The following MGST1 variants were observed in gnomAD, a reference collection of about 807,000 sequenced individuals.
MGST1 encodes glutathione S-transferase 12.
Under a neutral mutation model 8.9 loss-of-function variants are expected in MGST1, and 5 were observed. That is an observed-to-expected ratio of 0.56 (90% CI 0.29 to 1.19). The LOEUF (loss-of-function observed/expected upper bound fraction) is 1.19. MGST1 is among the 50% of genes most tolerant of loss of function. The probability of loss-of-function intolerance (pLI) is 0.08; values close to 1 mark genes in which losing one functional copy is unlikely to be tolerated. For missense variants in MGST1, 182 were observed against 187.4 expected, an observed-to-expected ratio of 0.97 and a Z score of 0.17; for synonymous variants, 54 against 67.8, an observed-to-expected ratio of 0.80 and a Z score of 1.00.
In MGST1 at chr12:16,363,793, A is replaced by G. The variant is rs1481543357; in HGVS notation, c.222-2A>G. On this transcript the variant is annotated splice_acceptor_variant, in intron 3 of 3. Coordinates refer to ENST00000396210, the MANE Select transcript of MGST1 (RefSeq NM_020300.5). LOFTEE classifies it high-confidence loss of function. This position sits in a 1 kb window ranked among gnomAD's most constrained non-coding sequence, Gnocchi z 4.6. ...GTCTTTAATAGTTATCTTTTTCCAC[A>G]GAGCCCACCTGAATGACCTTGAAAA... 1 of 1,587,664 alleles carries G rather than the reference A, an allele frequency of 6.3e-7. No homozygotes were observed. The highest frequency in any genetic ancestry group is 1.3e-5 in the African/African-American group (1 of 74,226).
chr12:16,474,303 T>C (rs755621191), intron 4 of MGST1, among the ~76,000 whole-genome samples: 1 of 152,238 alleles, frequency 6.6e-6, no homozygotes, highest in Non-Finnish European at 1.5e-5. Context: ...CAGCTTCAGA[T>C]GAAGAATTAC....
At chr12:16,572,412 G>A (rs1172260323) in intron 4 of MGST1, among the ~76,000 whole-genome samples, 4 of 103,616 alleles carry the variant, frequency 3.9e-5, no homozygotes, top group Non-Finnish European at 7.2e-5. Context: ...TTTAGAATGT[G>A]TATCTATCTT....
intron 4 of MGST1, among the ~76,000 whole-genome samples, chr12:16,505,320 G>T (rs1319698456): frequency 6.6e-6 from 1 of 152,134 alleles, no homozygotes; most frequent in Non-Finnish European, 1.5e-5. Flanking sequence ...ACTCCTTGAG[G>T]TTCATCCATA....
At chr12:16,417,515 C>T (rs1370800421) in intron 1 of MGST1, among the ~76,000 whole-genome samples, 1 of 152,160 alleles carries the variant, frequency 6.6e-6, no homozygotes, top group Non-Finnish European at 1.5e-5. Flanking sequence ...AACTAGTACC[C>T]TCCTCCAGGA....
intron 1 of MGST1, among the ~76,000 whole-genome samples, chr12:16,392,168 G>A (rs73066107): frequency 0.079 from 12,054 of 152,034 alleles, 581 homozygotes; most frequent in East Asian, 0.22. Flanking sequence ...ATTTGAAGTT[G>A]GGTGATGTGA....
chr12:16,364,399 T>C lies in MGST1; in HGVS notation c.*358T>C. On this transcript the variant is annotated 3_prime_UTR_variant, in exon 4 of 4. Transcript: ENST00000396210. This position sits in a 1 kb window ranked among gnomAD's most constrained non-coding sequence, Gnocchi z 5.7. ...GCTGAAACAGACATGAAATAAAGAA[T>C]TTAAAGAATGATTTTGTTTGGTTTT... 1 of 989,020 alleles carries C rather than the reference T, an allele frequency of 1.0e-6. No homozygotes were observed. The highest frequency in any genetic ancestry group is 1.2e-6 in the Non-Finnish European group (1 of 830,532). 61.3% of individuals were successfully genotyped at this position (989,020 alleles called of 1,614,324 possible).
intron 1 of MGST1, among the ~76,000 whole-genome samples, chr12:16,427,679 G>A (rs1417617669): frequency 6.6e-6 from 1 of 152,176 alleles, no homozygotes; most frequent in Non-Finnish European, 1.5e-5. Flanking sequence ...ACTGGGCCTG[G>A]CCTACATTTT....
intron 4 of MGST1, among the ~76,000 whole-genome samples, chr12:16,455,692 A>G (rs942178545): frequency 6.6e-6 from 1 of 151,838 alleles, no homozygotes; most frequent in East Asian, 1.9e-4. Context: ...ATACTTCATC[A>G]TCTATTGCTA....
intron 4 of MGST1, among the ~76,000 whole-genome samples, chr12:16,569,860 CA>C (rs1942752584): frequency 6.6e-6 from 1 of 152,012 alleles, no homozygotes; most frequent in Non-Finnish European, 1.5e-5. Flanking sequence ...TGTACTAAAA[CA>C]GAAATATTTT....
intron 4 of MGST1, among the ~76,000 whole-genome samples, chr12:16,572,573 C>A (rs1942853063): frequency 6.7e-6 from 1 of 149,728 alleles, no homozygotes; most frequent in South Asian, 2.1e-4. Flanking sequence ...GGATGTCAAA[C>A]CCTTCATAAA....
Position 16,582,193 on chromosome 12 carries a change from T to C in MGST1, n.483-7335T>C, listed in dbSNP as rs1207841801. 1.3e-5 allele frequency among the ~76,000 whole-genome samples: 2 copies of C among 152,244 alleles called. No homozygotes were observed. Among genetic ancestry groups the C allele is most frequent in the African/African-American group, 4.8e-5 (2 of 41,476 alleles). On this transcript the variant is annotated intron_variant and non_coding_transcript_variant, in intron 4 of 4. Coordinates refer to the MGST1 transcript ENST00000538857. The surrounding 1 kb of genome is among the most constrained non-coding windows in gnomAD (Gnocchi z 4.1). ...TTCTCTTTATTTGGAAGTTTTGAAA[T>C]GGCTGAATTTTATCAATTGCCTTTT...
chr12:16,528,865 C>T (rs1941705271), intron 4 of MGST1, among the ~76,000 whole-genome samples: 1 of 152,008 alleles, frequency 6.6e-6, no homozygotes, highest in African/African-American at 2.4e-5. Context: ...GGGTGAATGC[C>T]ATTTTACTTT....
intron 1 of MGST1, among the ~76,000 whole-genome samples, chr12:16,384,435 G>A (rs1940486092): frequency 6.6e-6 from 1 of 152,152 alleles, no homozygotes; most frequent in Non-Finnish European, 1.5e-5. Flanking sequence ...GTCCACGTGA[G>A]GACAGATGCA....
At chr12:16,418,620 TAAG>T (rs1224148995) in intron 1 of MGST1, among the ~76,000 whole-genome samples, 1 of 152,038 alleles carries the variant, frequency 6.6e-6, no homozygotes, top group Non-Finnish European at 1.5e-5. Flanking sequence ...CACTGAGAAA[TAAG>T]AAGATAAAAT....
At chr12:16,457,562 T>C (rs192922949) in intron 4 of MGST1, among the ~76,000 whole-genome samples, 1 of 152,130 alleles carries the variant, frequency 6.6e-6, no homozygotes, top group Non-Finnish European at 1.5e-5. Flanking sequence ...ATACACTTTA[T>C]ATATTAGCAT....
intron 4 of MGST1, among the ~76,000 whole-genome samples, chr12:16,504,642 A>T (rs1043658220): frequency 6.6e-6 from 1 of 152,188 alleles, no homozygotes; most frequent in African/African-American, 2.4e-5. Flanking sequence ...AGAAGTAAAA[A>T]TGTCAGAATT....
intron 1 of MGST1, among the ~76,000 whole-genome samples, chr12:16,394,452 C>T (rs1363611678): frequency 6.6e-6 from 1 of 150,828 alleles, no homozygotes; most frequent in East Asian, 2.0e-4. Flanking sequence ...CTCTTTCTTT[C>T]TCACTCTTCC....
Position 16,347,911 on chromosome 12 carries a change from A to G in MGST1, c.-23+201A>G, listed in dbSNP as rs953594570. 4 of 152,364 alleles carry G rather than the reference A, an allele frequency of 2.6e-5. No individual in the cohort carries two copies. The highest frequency in any genetic ancestry group is 5.9e-5 in the Non-Finnish European group (4 of 68,042). The allele number at this position is 152,364 out of a possible 1,614,324, so 9.4% of individuals were successfully genotyped here. On this transcript the variant is annotated intron_variant, in intron 1 of 3. Coordinates refer to ENST00000396210, the MANE Select transcript of MGST1 (RefSeq NM_020300.5). This position sits in a 1 kb window ranked among gnomAD's most constrained non-coding sequence, Gnocchi z 4.0. ...TGTCCCCGTGCGGGTAAGTTTTCCC[A>G]TTTCTCAAACTCCAGGAATGAAACG...
At chr12:16,395,959 G>A (rs987968238) in intron 1 of MGST1, among the ~76,000 whole-genome samples, 24 of 151,642 alleles carry the variant, frequency 1.6e-4, no homozygotes, top group African/African-American at 5.1e-4. Context: ...TTTCCTCTGC[G>A]TAGACACCCA....
Sources: allele counts gnomAD v4.1 joint callset (sites outside exome capture counted in the v4.1 genomes callset), GRCh38; gene constraint gnomAD v4.1.1; non-coding constraint Gnocchi (gnomAD v3.1); transcripts MANE v1.5; gene names NCBI Gene and HGNC (gene_info 2026-07-23, HGNC 2026-07-21).